Variants in ITFG1 observed in about 807,000 individuals in gnomAD.
ITFG1 encodes the protein integrin alpha FG-GAP repeat containing 1.
Under a neutral mutation model 81.8 loss-of-function variants are expected in ITFG1, and 34 were observed. The observed-to-expected ratio is 0.42, with a 90% CI of 0.32 to 0.55. ITFG1 has a LOEUF of 0.55. ITFG1 is among the 20% of genes least tolerant of loss of function. ITFG1 has a pLI of 0.17. For synonymous variants in ITFG1, 285 were observed against 270.6 expected, an observed-to-expected ratio of 1.05 and a Z score of -0.52; for missense variants, 672 against 755.4, an observed-to-expected ratio of 0.89 and a Z score of 1.29.
At chr16:47,171,455 T>C (rs887242472) in intron 14 of ITFG1, among the ~76,000 whole-genome samples, 1 of 152,210 alleles carries the variant, frequency 6.6e-6, no homozygotes, top group East Asian at 1.9e-4. Flanking sequence ...GTCTAGCTAA[T>C]AGATTGTCAA....
chr16:47,181,385 C>T (rs532574529), intron 14 of ITFG1, among the ~76,000 whole-genome samples: 2,477 of 146,414 alleles, frequency 0.017, 107 homozygotes, highest in African/African-American at 0.061. Context: ...CCAGCCACCC[C>T]GTCCGGCAGG....
chr16:47,396,500 C>G (rs184937270), intron 6 of ITFG1, among the ~76,000 whole-genome samples: 6 of 133,990 alleles, frequency 4.5e-5, no homozygotes, highest in Admixed American at 2.8e-4. Flanking sequence ...AGATCAAGGA[C>G]AGTCTCCTAA....
At chr16:47,394,368 C>G (rs1044491824) in intron 6 of ITFG1, among the ~76,000 whole-genome samples, 1 of 152,164 alleles carries the variant, frequency 6.6e-6, no homozygotes, top group African/African-American at 2.4e-5. Flanking sequence ...TACCCTCAAC[C>G]TTAGCTCACT....
At chr16:47,336,876 T>A (rs182211465) in intron 8 of ITFG1, among the ~76,000 whole-genome samples, 2 of 151,588 alleles carry the variant, frequency 1.3e-5, no homozygotes, top group East Asian at 1.9e-4. Flanking sequence ...GGGAGAAGAA[T>A]TGTCTGAACC....
chr16:47,171,773 T>C (rs940244056), intron 14 of ITFG1, among the ~76,000 whole-genome samples: 1 of 152,248 alleles, frequency 6.6e-6, no homozygotes, highest in African/African-American at 2.4e-5. Flanking sequence ...TTGTGATATA[T>C]GTCTTATCTT....
intron 10 of ITFG1, among the ~76,000 whole-genome samples, chr16:47,282,610 A>C (rs1966462024): frequency 6.6e-6 from 1 of 152,142 alleles, no homozygotes; most frequent in Admixed American, 6.5e-5. Flanking sequence ...TTAAGTACCC[A>C]GTAGTAGGAT....
intron 10 of ITFG1, among the ~76,000 whole-genome samples, chr16:47,285,679 T>G (rs1449911756): frequency 6.6e-6 from 1 of 152,138 alleles, no homozygotes; most frequent in Non-Finnish European, 1.5e-5. Context: ...TCCACACATA[T>G]GGTCACCCAA....
intron 8 of ITFG1, among the ~76,000 whole-genome samples, chr16:47,353,504 C>T (rs973312044): frequency 6.6e-6 from 1 of 151,916 alleles, no homozygotes; most frequent in East Asian, 1.9e-4. Flanking sequence ...GACAAGGATG[C>T]CCAGTTTCAC....
chr16:47,167,354 T>G (rs1193037307), intron 14 of ITFG1, among the ~76,000 whole-genome samples: 1 of 152,162 alleles, frequency 6.6e-6, no homozygotes, highest in Non-Finnish European at 1.5e-5. Flanking sequence ...ACAAAAGTAG[T>G]GAATATGCCC....
chr16:47,407,491 C>T (rs1317177201), intron 6 of ITFG1, among the ~76,000 whole-genome samples: 3 of 152,160 alleles, frequency 2.0e-5, no homozygotes, highest in African/African-American at 2.4e-5. Flanking sequence ...ACTGGGATTA[C>T]AGACATGCCT....
At chr16:47,179,708 A>T (rs1339496078) in intron 14 of ITFG1, among the ~76,000 whole-genome samples, 2 of 152,210 alleles carry the variant, frequency 1.3e-5, no homozygotes, top group African/African-American at 4.8e-5. Context: ...ATACCTTTTA[A>T]AAGTATGTGG....
At chr16:47,343,751 T>C (rs1967815337) in intron 8 of ITFG1, among the ~76,000 whole-genome samples, 1 of 152,176 alleles carries the variant, frequency 6.6e-6, no homozygotes, top group Non-Finnish European at 1.5e-5. Context: ...GCACTGCTGG[T>C]AGGAACGTAA....
chr16:47,370,749 G>C (rs937018978), intron 7 of ITFG1, among the ~76,000 whole-genome samples: 1 of 152,190 alleles, frequency 6.6e-6, no homozygotes, highest in African/African-American at 2.4e-5. Context: ...TGTGAGATTA[G>C]GACTGGTAGT....
intron 8 of ITFG1, among the ~76,000 whole-genome samples, chr16:47,331,524 G>A (rs1967636976): frequency 6.6e-6 from 1 of 151,894 alleles, no homozygotes; most frequent in African/African-American, 2.4e-5. Flanking sequence ...CAAAGAAAAG[G>A]GCTCCATTAC....
intron 12 of ITFG1, among the ~76,000 whole-genome samples, chr16:47,251,263 C>T (rs264334): frequency 1 from 152,028 of 152,322 alleles, 75,867 homozygotes; most frequent in East Asian, 1. Context: ...GAGAAGGCAG[C>T]TGGAGTTCAA....
At chr16:47,238,099 T>C (rs974776566) in intron 12 of ITFG1, 91 bp from the exon 13 acceptor site, 8 of 676,434 alleles carry the variant, frequency 1.2e-5, no homozygotes, top group Non-Finnish European at 2.0e-5. Flanking sequence ...TAATATACTC[T>C]ATTGATTCAT....
At chr16:47,417,506 CTG>C (rs1273758497) in intron 6 of ITFG1, among the ~76,000 whole-genome samples, 1 of 152,184 alleles carries the variant, frequency 6.6e-6, no homozygotes, top group Non-Finnish European at 1.5e-5. Context: ...TTTCTTCTAA[CTG>C]TATATTTATA....
At chr16:47,190,159 C>T (rs1459137591) in intron 14 of ITFG1, among the ~76,000 whole-genome samples, 1 of 151,824 alleles carries the variant, frequency 6.6e-6, no homozygotes, top group East Asian at 1.9e-4. Context: ...CTGTACCTCT[C>T]TGAGAGGGAA....
chr16:47,367,098 C>T (rs796107976), intron 7 of ITFG1, among the ~76,000 whole-genome samples: 5 of 152,200 alleles, frequency 3.3e-5, no homozygotes, highest in African/African-American at 9.6e-5. Flanking sequence ...TGGAGTGGCT[C>T]GCAGAACTCT....
Sources: gnomAD v4.1 joint callset for allele counts (sites outside exome capture counted in the v4.1 genomes callset) on GRCh38, gnomAD v4.1.1 for gene constraint, MANE v1.5 for transcripts, NCBI Gene and HGNC (gene_info 2026-07-23, HGNC 2026-07-21) for gene names.